CDS1: variants seen among roughly 807,000 people sequenced by gnomAD.
CDS1 encodes the protein CDP-diacylglycerol synthase 1, also known as phosphatidate cytidylyltransferase 1.
In CDS1, 41 loss-of-function variants were observed where a neutral mutation model predicts 62.1. The ratio of observed to expected loss-of-function variants is 0.66; its 90% CI spans 0.51 to 0.86. CDS1 has a LOEUF of 0.86. Ranked by LOEUF, CDS1 falls within the 40% of genes least tolerant of loss-of-function variation. CDS1 has a pLI of 0.00. For missense variants in CDS1, 470 were observed against 550.1 expected, an observed-to-expected ratio of 0.85 and a Z score of 1.46; for synonymous variants, 185 against 192.6, an observed-to-expected ratio of 0.96 and a Z score of 0.32.
At chr4:84,596,829 C>T (rs1320196692) in intron 1 of CDS1, among the ~76,000 whole-genome samples, 2 of 152,170 alleles carry the variant, frequency 1.3e-5, no homozygotes, top group African/African-American at 4.8e-5. Context: ...CAGGCAAAGC[C>T]AGGCTCAAAG....
chr4:84,637,027 A>G (rs1046975918), intron 8 of CDS1, among the ~76,000 whole-genome samples: 1 of 152,156 alleles, frequency 6.6e-6, no homozygotes, highest in Non-Finnish European at 1.5e-5. Flanking sequence ...GTAGTTTAGT[A>G]TTACCAGAGG....
chr4:84,611,373 A>C (rs1430408584), intron 3 of CDS1, among the ~76,000 whole-genome samples: 1 of 151,788 alleles, frequency 6.6e-6, no homozygotes, highest in African/African-American at 2.4e-5. Flanking sequence ...CTTCTTATGT[A>C]CTCATCTCCT....
chr4:84,583,463 A>T lies in CDS1; in HGVS notation c.62A>T (p.His21Leu), dbSNP rs1722315025. ...PGPREAVSPP[H>L]REGEAAGGDH... ...CCCAGGGAAGCGGTGTCGCCGCCAC[A>T]CCGCGAGGGAGAGGCGGCCGGCGGC... Residue 21 changes from histidine (H) to leucine (L), a missense_variant, in exon 1 of 13, where the codon CAC becomes CTC. By Grantham distance (99) the His-to-Leu change is moderately conservative. This residue lies in a region of CDS1 where 150 missense variants were observed against 142.0 expected (regional missense o/e 1.06). Transcript: ENST00000295887. The T allele has an allele frequency of 6.3e-7, 1 of 1,579,800 alleles. No individual in the cohort carries two copies. The highest frequency in any genetic ancestry group is 1.8e-5 in the Admixed American group (1 of 55,838).
Position 84,583,263 on chromosome 4 carries a change from GGCC to G in CDS1, c.-136_-134del. 3.3e-6 allele frequency: 2 copies of G among 609,328 alleles called. No homozygotes were observed. The highest frequency in any genetic ancestry group is 5.7e-6 in the Non-Finnish European group (2 of 352,116). 37.7% of individuals were successfully genotyped at this position (609,328 alleles called of 1,614,324 possible). On this transcript the variant is annotated 5_prime_UTR_variant, in exon 1 of 13. Coordinates refer to ENST00000295887, the MANE Select transcript of CDS1 (RefSeq NM_001263.4). ...CGGCGCGGCGGCCGCTCTATGGTGG[GGCC>G]GCGTTAGTGGCTGCGGCTCCGCGGG...
chr4:84,640,909 C>T lies in CDS1; in HGVS notation c.951C>T (p.Phe317=), dbSNP rs199711328. The change falls in exon 10 of 13, where the codon TTC becomes TTT. Residue 317 remains phenylalanine (F), a synonymous_variant. Coordinates refer to ENST00000295887, the MANE Select transcript of CDS1 (RefSeq NM_001263.4). The part of the protein sequence containing the change: ...PVEYRSDVNS[F]VTECEPSELF... ...AATACCGAAGTGATGTAAACTCCTT[C>T]GTGACAGAATGTGAGCCCTCAGAAC... 4.2e-4 allele frequency: 670 copies of T among 1,611,966 alleles called. 12 individuals carry two copies. The South Asian group carries it at 5.9e-3, about 14-fold the overall frequency.
At chr4:84,594,706 C>G (rs1170235415) in intron 1 of CDS1, among the ~76,000 whole-genome samples, 3 of 152,062 alleles carry the variant, frequency 2.0e-5, no homozygotes, top group Non-Finnish European at 4.4e-5. Flanking sequence ...ATACCTAGGA[C>G]TTAACTGTTA....
Position 84,648,857 on chromosome 4 carries a change from G to A in CDS1, c.*171G>A, listed in dbSNP as rs1158672437. The A allele has an allele frequency of 6.6e-6, 4 of 604,082 alleles. No homozygotes were observed. The East Asian group carries it at 1.2e-4, about 18-fold the overall frequency. The allele number at this position is 604,082 out of a possible 1,614,324, so 37.4% of individuals were successfully genotyped here. On this transcript the variant is annotated 3_prime_UTR_variant, in exon 13 of 13. Coordinates refer to ENST00000295887, the MANE Select transcript of CDS1 (RefSeq NM_001263.4). ...TTTAACAAACACTTACTTGATCTAT[G>A]TTATGAAATAAGTAGCAAATTGCCA...
chr4:84,610,544 GT>G (rs1176709419), intron 3 of CDS1, among the ~76,000 whole-genome samples: 1 of 152,194 alleles, frequency 6.6e-6, no homozygotes, highest in Non-Finnish European at 1.5e-5. Flanking sequence ...CATTACGTTA[GT>G]TCTAGGGATG....
chr4:84,610,450 A>G (rs1170707911), intron 3 of CDS1, among the ~76,000 whole-genome samples: 2 of 152,228 alleles, frequency 1.3e-5, no homozygotes, highest in African/African-American at 4.8e-5. Context: ...TGGGAAGCTC[A>G]GTAAGTCAGG....
chr4:84,620,903 A>G (rs937240065), intron 5 of CDS1, among the ~76,000 whole-genome samples: 1 of 152,154 alleles, frequency 6.6e-6, no homozygotes, highest in African/African-American at 2.4e-5. Context: ...TCTACTAAAA[A>G]TACAGAATTA....
chr4:84,635,388 C>A, intron 8 of CDS1, 37 bp downstream of exon 8: 1 of 962,214 alleles, frequency 1.0e-6, no homozygotes, highest in Non-Finnish European at 1.7e-6. Flanking sequence ...CACTATGTAA[C>A]CTTAAAGATT....
intron 3 of CDS1, among the ~76,000 whole-genome samples, 182 bp downstream of exon 3, chr4:84,609,707 A>T (rs1161268299): frequency 1.3e-5 from 2 of 152,192 alleles, no homozygotes; most frequent in Non-Finnish European, 2.9e-5. Flanking sequence ...CTGTTTGCAA[A>T]ATGACTATTC....
intron 1 of CDS1, among the ~76,000 whole-genome samples, chr4:84,592,679 C>T (rs1358086177): frequency 1.3e-5 from 2 of 152,272 alleles, no homozygotes; most frequent in East Asian, 3.9e-4. Context: ...AAAAAGAGTC[C>T]AGTCCAGAGT....
intron 9 of CDS1, among the ~76,000 whole-genome samples, chr4:84,639,712 G>A (rs1234023370): frequency 3.3e-5 from 5 of 152,068 alleles, no homozygotes; most frequent in African/African-American, 9.7e-5. Flanking sequence ...AGAGTACCTA[G>A]TAACAACATG....
chr4:84,616,483 C>T (rs1723498215), intron 3 of CDS1, among the ~76,000 whole-genome samples: 1 of 152,124 alleles, frequency 6.6e-6, no homozygotes, highest in Admixed American at 6.5e-5. Context: ...GTTTGGTAAG[C>T]TTTTTCTGTT....
chr4:84,597,821 T>C (rs932629286), intron 1 of CDS1, among the ~76,000 whole-genome samples: 4 of 151,888 alleles, frequency 2.6e-5, no homozygotes, highest in African/African-American at 7.3e-5. Context: ...AAGGAATCCA[T>C]GCCTGTATGA....
chr4:84,621,020 AT>A (rs1190086386), intron 5 of CDS1, among the ~76,000 whole-genome samples: 2 of 152,224 alleles, frequency 1.3e-5, no homozygotes, highest in Non-Finnish European at 2.9e-5. Flanking sequence ...AGATCACACC[AT>A]TGCACTCCAG....
chr4:84,648,450 T>G (rs1724617043), intron 12 of CDS1, 107 bp from the exon 13 acceptor site: 1 of 1,012,118 alleles, frequency 9.9e-7, no homozygotes, highest in Non-Finnish European at 1.4e-6. Flanking sequence ...TCTGTAAAGA[T>G]TCCTACTCTA....
At chr4:84,595,461 A>G (rs1323034795) in intron 1 of CDS1, among the ~76,000 whole-genome samples, 1 of 152,176 alleles carries the variant, frequency 6.6e-6, no homozygotes, top group Non-Finnish European at 1.5e-5. Flanking sequence ...GTTGTACAAT[A>G]TAGTATGCTG....
Sources: gnomAD v4.1 joint callset for allele counts (sites outside exome capture counted in the v4.1 genomes callset) on GRCh38, gnomAD v4.1.1 for gene constraint, gnomAD v4.1.1 regional missense constraint, MANE v1.5 for transcripts, NCBI Gene and HGNC (gene_info 2026-07-23, HGNC 2026-07-21) for gene names.